Variants in EHHADH observed in about 807,000 individuals in gnomAD.
The protein encoded by EHHADH is enoyl-CoA hydratase and 3-hydroxyacyl CoA dehydrogenase, also known as peroxisomal bifunctional enzyme.
EHHADH carries 48 observed loss-of-function variants against 64.4 expected under a neutral mutation model. That is an observed-to-expected ratio of 0.75 (90% CI 0.59 to 0.95). The LOEUF (loss-of-function observed/expected upper bound fraction) is 0.95. Ranked by LOEUF, EHHADH falls within the 40% of genes least tolerant of loss-of-function variation. EHHADH has a pLI of 0.00. For missense variants in EHHADH, 854 were observed against 876.6 expected, an observed-to-expected ratio of 0.97 and a Z score of 0.33; for synonymous variants, 308 against 326.7, an observed-to-expected ratio of 0.94 and a Z score of 0.62.
At chr3:185,244,706 G>T (rs1486935553) in intron 2 of EHHADH, among the ~76,000 whole-genome samples, 2 of 152,280 alleles carry the variant, frequency 1.3e-5, no homozygotes, top group East Asian at 3.9e-4. Context: ...AGTGAGACTG[G>T]AGTGATGCAT....
intron 1 of EHHADH, among the ~76,000 whole-genome samples, chr3:185,249,858 G>C (rs1719699196): frequency 6.6e-6 from 1 of 151,954 alleles, no homozygotes; most frequent in African/African-American, 2.4e-5. Flanking sequence ...CTAAGTTCTA[G>C]CCAATGGGAT....
chr3:185,222,983 G>T (rs1321946345), intron 4 of EHHADH, among the ~76,000 whole-genome samples: 1 of 152,148 alleles, frequency 6.6e-6, no homozygotes, highest in African/African-American at 2.4e-5. Flanking sequence ...ACACATCAAA[G>T]AATTATCTCC....
intron 2 of EHHADH, chr3:185,245,584 C>T (rs1225997407): frequency 2.2e-5 from 17 of 773,416 alleles, no homozygotes; most frequent in Non-Finnish European, 3.9e-5. Context: ...GTTGCATGTC[C>T]TTCTGCAGGA....
In EHHADH at chr3:185,193,084, A is replaced by C. The variant is rs752483208; in HGVS notation, c.1314T>G (p.His438Gln). ...GAATAACCTCTAACAACTTCATGAC[A>C]TGAGCTGGCGAAAAGAAGTGGGTGC... The part of the protein sequence containing the change: ...VIGTHFFSPA[H>Q]VMKLLEVIPS... The change falls in exon 7 of 7, where the codon CAT becomes CAG. Residue 438 changes from histidine (H) to glutamine (Q), a missense_variant. By Grantham distance (24) the His-to-Gln change is conservative. Coordinates refer to ENST00000231887, the MANE Select transcript of EHHADH (RefSeq NM_001966.4). 1.1e-5 allele frequency: 17 copies of C among 1,614,016 alleles called. No homozygotes were observed. Among genetic ancestry groups the C allele is most frequent in the Non-Finnish European group, 1.4e-5 (16 of 1,179,954 alleles).
Position 185,218,150 on chromosome 3 carries a change from G to A in EHHADH, c.554C>T (p.Ala185Val). Residue 185 changes from alanine (A) to valine (V), a missense_variant, in exon 5 of 7, where the codon GCT becomes GTT. Transcript: ENST00000231887. ...SDPVEEAIRF[A>V]QRVSDQPLES... is the part of the protein sequence containing the mutation. ...TATCTTCTTACCTGAAACTCTCTGAGCAAATCTGATTGCTTCTTCAACCGG... is the reference window on the plus strand; with the variant it reads ...TATCTTCTTACCTGAAACTCTCTGAACAAATCTGATTGCTTCTTCAACCGG... 6.2e-7 allele frequency: 1 copy of A among 1,604,488 alleles called. No homozygotes were observed. The highest frequency in any genetic ancestry group is 1.1e-5 in the South Asian group (1 of 90,308).
intron 2 of EHHADH, among the ~76,000 whole-genome samples, chr3:185,240,798 T>A (rs901167962): frequency 6.6e-6 from 1 of 152,138 alleles, no homozygotes; most frequent in African/African-American, 2.4e-5. Context: ...ATATTTCTTT[T>A]TTCTGTTTTT....
chr3:185,251,544 C>T (rs1169471608), intron 1 of EHHADH, among the ~76,000 whole-genome samples: 1 of 151,902 alleles, frequency 6.6e-6, no homozygotes, highest in Admixed American at 6.6e-5. Context: ...TGAATGGAAG[C>T]AAACATGGCT....
chr3:185,244,775 T>C (rs2108651299), intron 2 of EHHADH, among the ~76,000 whole-genome samples: 1 of 152,236 alleles, frequency 6.6e-6, no homozygotes, highest in Non-Finnish European at 1.5e-5. Flanking sequence ...GAAGGATTCT[T>C]CCCTAAAGAA....
intron 6 of EHHADH, among the ~76,000 whole-genome samples, chr3:185,203,627 G>T (rs1297701191): frequency 6.6e-6 from 1 of 152,064 alleles, no homozygotes; most frequent in Non-Finnish European, 1.5e-5. Flanking sequence ...ATTCCAGAGG[G>T]AAAAAAAGTA....
At position 185,190,672 on chromosome 3, in the gene EHHADH, C is replaced by G. The variant is rs1032020892; in HGVS notation, c.*1554G>C. 1 of 151,916 alleles carries G rather than the reference C, an allele frequency of 6.6e-6. No individual in the cohort carries two copies. The highest frequency in any genetic ancestry group is 2.4e-5 in the African/African-American group (1 of 41,342). 9.4% of individuals were successfully genotyped at this position (151,916 alleles called of 1,614,324 possible). ...TATTGATGTCTTTAATTTCACAAAC[C>G]AAATTATATAAAATTAAGTAGTACA... On this transcript the variant is annotated 3_prime_UTR_variant, in exon 7 of 7. Coordinates refer to ENST00000231887, the MANE Select transcript of EHHADH (RefSeq NM_001966.4).
intron 3 of EHHADH, among the ~76,000 whole-genome samples, chr3:185,229,759 G>C (rs1386618768): frequency 6.6e-6 from 1 of 152,124 alleles, no homozygotes. Flanking sequence ...CACATTTTTA[G>C]CTTCTTACAC....
chr3:185,234,763 G>A (rs1719241819), intron 3 of EHHADH, among the ~76,000 whole-genome samples: 1 of 152,208 alleles, frequency 6.6e-6, no homozygotes, highest in South Asian at 2.1e-4. Flanking sequence ...AGGGAAACTA[G>A]GGCTCAGAGT....
chr3:185,196,772 C>A (rs73050874), intron 6 of EHHADH, among the ~76,000 whole-genome samples: 1 of 152,072 alleles, frequency 6.6e-6, no homozygotes, highest in African/African-American at 2.4e-5. Context: ...GAGGCCAGTG[C>A]GCAAGGATCA....
chr3:185,194,919 C>A (rs1718020837), intron 6 of EHHADH, among the ~76,000 whole-genome samples: 1 of 148,892 alleles, frequency 6.7e-6, no homozygotes, highest in Non-Finnish European at 1.5e-5. Context: ...TAGCCAAAAG[C>A]AAACCCACAC....
chr3:185,197,585 T>C (rs1718099662), intron 6 of EHHADH, among the ~76,000 whole-genome samples: 1 of 152,240 alleles, frequency 6.6e-6, no homozygotes, highest in Non-Finnish European at 1.5e-5. Context: ...CTTAGCAGTA[T>C]GTCCTCATGG....
rs1719115128 is a variant in EHHADH, at chr3:185,230,190, GAGAATACAGAATCCTCATACATTGCT to G, written c.352-673_352-648del. The stretch of plus-strand genomic sequence containing the variant: ...AATAACAGGTGTTGGAGAGGATATG[GAGAATACAGAATCCTCATACATTGCT>G]AGTGGGAATATAAAACAGAGTAGAC... On this transcript the variant is annotated intron_variant, in intron 3 of 6. Coordinates refer to ENST00000231887, the MANE Select transcript of EHHADH (RefSeq NM_001966.4). Among the ~76,000 whole-genome samples the G allele has an allele frequency of 2.0e-5, 3 of 152,192 alleles. No homozygotes were observed. In the South Asian group the frequency reaches 6.2e-4, roughly 32 times the overall value.
intron 4 of EHHADH, among the ~76,000 whole-genome samples, chr3:185,219,442 A>G (rs1375379358): frequency 6.6e-6 from 1 of 152,178 alleles, no homozygotes; most frequent in Non-Finnish European, 1.5e-5. Context: ...AGTGTCTGGC[A>G]GTGGTGGTGC....
At chr3:185,204,199 A>G (rs531364899) in intron 6 of EHHADH, among the ~76,000 whole-genome samples, 1 of 151,646 alleles carries the variant, frequency 6.6e-6, no homozygotes, top group Admixed American at 6.6e-5. Context: ...CTAGGGTCAG[A>G]CTTTCACCCT....
At chr3:185,239,329 G>A (rs1719386350) in intron 2 of EHHADH, among the ~76,000 whole-genome samples, 1 of 152,032 alleles carries the variant, frequency 6.6e-6, no homozygotes, top group African/African-American at 2.4e-5. Flanking sequence ...AAATGACATT[G>A]GTAATTTGAT....
Sources: gnomAD v4.1 joint callset for allele counts (sites outside exome capture counted in the v4.1 genomes callset) on GRCh38, gnomAD v4.1.1 for gene constraint, MANE v1.5 for transcripts, NCBI Gene and HGNC (gene_info 2026-07-23, HGNC 2026-07-21) for gene names.